The following NR6A1 variants were observed in gnomAD, a reference collection of about 807,000 sequenced individuals.
NR6A1 encodes retinoic acid receptor-related testis-associated receptor.
A neutral mutation model predicts 59.1 loss-of-function variants in NR6A1; 7 were observed. The observed-to-expected ratio is 0.12, with a 90% CI of 0.07 to 0.22. The LOEUF (loss-of-function observed/expected upper bound fraction) is 0.22. Ranked by LOEUF, NR6A1 falls within the 10% of genes least tolerant of loss-of-function variation. The pLI is 1.00. For synonymous variants in NR6A1, 243 were observed against 236.1 expected (o/e 1.03, Z -0.27); for missense variants, 468 against 611.6 (o/e 0.77, Z 2.48).
chr9:124,550,342 GTCGCAATTATTA>G (rs1449696817), intron 3 of NR6A1, among the ~76,000 whole-genome samples: 2 of 143,108 alleles, frequency 1.4e-5, no homozygotes, highest in African/African-American at 5.1e-5. Context: ...GGTTTTGCTT[GTCGCAATTATTA>G]CTGTGATGTT....
chr9:124,690,182 C>T (rs1169621320), intron 2 of NR6A1, among the ~76,000 whole-genome samples: 2 of 152,180 alleles, frequency 1.3e-5, no homozygotes, highest in Non-Finnish European at 2.9e-5. Flanking sequence ...GCACCTGAGA[C>T]GATGACTCCT....
intron 1 of NR6A1, among the ~76,000 whole-genome samples, chr9:124,758,375 G>A (rs1355497793): frequency 1.3e-5 from 2 of 152,070 alleles, no homozygotes; most frequent in African/African-American, 2.4e-5. Context: ...ATGAATCAAC[G>A]TTCTCAAATG....
At chr9:124,688,798 T>C (rs1466123921) in intron 2 of NR6A1, among the ~76,000 whole-genome samples, 1 of 152,244 alleles carries the variant, frequency 6.6e-6, no homozygotes, top group Non-Finnish European at 1.5e-5. Context: ...TAATTGAAAC[T>C]GCTTTCAAAA....
At chr9:124,655,885 C>CT (rs2130929910) in intron 2 of NR6A1, among the ~76,000 whole-genome samples, 1 of 152,304 alleles carries the variant, frequency 6.6e-6, no homozygotes, top group East Asian at 1.9e-4. Flanking sequence ...GTGGAAGCTA[C>CT]TTAAGTGTCC....
intron 7 of NR6A1, among the ~76,000 whole-genome samples, chr9:124,527,561 T>C (rs1372804645): frequency 1.3e-5 from 2 of 152,240 alleles, no homozygotes; most frequent in African/African-American, 4.8e-5. Flanking sequence ...CCCTATGAGC[T>C]AGGTGAGATA....
chr9:124,732,790 G>A (rs988454364), intron 2 of NR6A1, among the ~76,000 whole-genome samples: 5 of 151,314 alleles, frequency 3.3e-5, no homozygotes, highest in African/African-American at 7.3e-5. Context: ...TCTACTTCCC[G>A]GGTTCAAGCG....
At chr9:124,686,258 G>A (rs1007527257) in intron 2 of NR6A1, among the ~76,000 whole-genome samples, 1 of 152,110 alleles carries the variant, frequency 6.6e-6, no homozygotes, top group Non-Finnish European at 1.5e-5. Context: ...CATCATCTGC[G>A]CTTCATAATT....
chr9:124,701,492 T>C (rs1588804397), intron 2 of NR6A1, among the ~76,000 whole-genome samples: 1 of 152,294 alleles, frequency 6.6e-6, no homozygotes, highest in East Asian at 1.9e-4. Flanking sequence ...CACTATCCAT[T>C]TCCAGAACAT....
chr9:124,666,383 ATT>A (rs1209928243), intron 2 of NR6A1, among the ~76,000 whole-genome samples: 1 of 150,940 alleles, frequency 6.6e-6, no homozygotes, highest in Non-Finnish European at 1.5e-5. Flanking sequence ...GAGACAAGCA[ATT>A]CTCCTGCCTC....
Position 124,730,322 on chromosome 9 carries a change from T to A in NR6A1, c.142+2986A>T, listed in dbSNP as rs74347290. Among the ~76,000 whole-genome samples, 137 of 152,128 alleles carry A rather than the reference T, an allele frequency of 9.0e-4. 3 individuals carry two copies. The East Asian group carries it at 0.02, about 22-fold the overall frequency. ...TCATGGCTCAACTGCAGCCTCCTCC[T>A]CCTTAAGCAATCCTCCCACCTCACC... On this transcript the variant is annotated intron_variant, in intron 2 of 9. Coordinates refer to ENST00000487099, the MANE Select transcript of NR6A1 (RefSeq NM_033334.4).
chr9:124,691,368 T>A (rs1006298080), intron 2 of NR6A1, among the ~76,000 whole-genome samples: 2 of 152,228 alleles, frequency 1.3e-5, no homozygotes, highest in Non-Finnish European at 2.9e-5. Context: ...TTGAGACCAG[T>A]CAGCCTTTAG....
chr9:124,541,783 G>A (rs1833455512), intron 4 of NR6A1, among the ~76,000 whole-genome samples: 1 of 152,210 alleles, frequency 6.6e-6, no homozygotes, highest in African/African-American at 2.4e-5. Context: ...AACAATTTAA[G>A]TGTCTGATGA....
intron 2 of NR6A1, among the ~76,000 whole-genome samples, chr9:124,685,801 T>C (rs1838314298): frequency 6.6e-6 from 1 of 152,212 alleles, no homozygotes; most frequent in Non-Finnish European, 1.5e-5. Context: ...AACATCGGCA[T>C]TGTCAATTTC....
chr9:124,540,041 C>T lies in NR6A1; in HGVS notation c.588G>A (p.Leu196=). ...ESNQPSPGST[L]SSSRSVELNG... ...TTTGCCTTAAAGCTCACCTGGAAGA[C>T]AGTGTGGAGCCTGGTGAGGGCTGGT... The change falls in exon 5 of 10, where the codon CTG becomes CTA. Residue 196 remains leucine, a synonymous_variant. Transcript: ENST00000487099. The T allele has an allele frequency of 6.3e-7, 1 of 1,595,004 alleles. No homozygotes were observed. Among genetic ancestry groups the T allele is most frequent in the South Asian group, 1.1e-5 (1 of 88,476 alleles).
At chr9:124,681,997 TTTTTG>T (rs894847800) in intron 2 of NR6A1, among the ~76,000 whole-genome samples, 6 of 150,984 alleles carry the variant, frequency 4.0e-5, no homozygotes, top group African/African-American at 1.5e-4. Flanking sequence ...TTTGTTTTGT[TTTTTG>T]TTTTGTTTTG....
rs549364450 is a variant in NR6A1, at chr9:124,580,187, T to G, written c.143-25617A>C. On this transcript the variant is annotated intron_variant, in intron 2 of 9. Coordinates refer to ENST00000487099, the MANE Select transcript of NR6A1 (RefSeq NM_033334.4). ...CTGTAAATAACCAAATATCCTTCAA[T>G]GGGTGAATGGATCAACAAACATATA... Among the ~76,000 whole-genome samples the G allele has an allele frequency of 6.0e-4, 91 of 152,364 alleles. 1 individual carries two copies. The South Asian group carries it at 0.018, about 31-fold the overall frequency.
At chr9:124,754,852 G>A (rs1840593980) in intron 1 of NR6A1, among the ~76,000 whole-genome samples, 1 of 152,022 alleles carries the variant, frequency 6.6e-6, no homozygotes, top group Non-Finnish European at 1.5e-5. Context: ...TACATTCCAG[G>A]TTTTCCATAA....
chr9:124,534,313 TC>T lies in NR6A1; in HGVS notation c.1079+1564del, dbSNP rs548076354. ...GTCTCGAACTCCCAACCTCAGGTGA[TC>T]CACCTGCCTCGGCCTCTCAAAGTGC... On this transcript the variant is annotated intron_variant, in intron 7 of 9. Coordinates refer to ENST00000487099, the MANE Select transcript of NR6A1 (RefSeq NM_033334.4). Among the ~76,000 whole-genome samples, 6 of 152,148 alleles carry T rather than the reference TC, an allele frequency of 3.9e-5. No individual in the cohort carries two copies. The South Asian group carries it at 1.2e-3, about 32-fold the overall frequency.
intron 2 of NR6A1, among the ~76,000 whole-genome samples, chr9:124,570,096 T>C (rs892481023): frequency 2.0e-5 from 3 of 152,228 alleles, no homozygotes; most frequent in South Asian, 2.1e-4. Flanking sequence ...GATAAAATGT[T>C]ACCTATCTCC....
Sources: gnomAD v4.1 joint callset for allele counts (sites outside exome capture counted in the v4.1 genomes callset) on GRCh38, gnomAD v4.1.1 for gene constraint, MANE v1.5 for transcripts, NCBI Gene and HGNC (gene_info 2026-07-23, HGNC 2026-07-21) for gene names.